Variants in PAPPA2 observed in about 807,000 individuals in gnomAD.
PAPPA2 encodes pappalysin 2, also known as pappalysin-2.
In PAPPA2, 86 loss-of-function variants were observed where a neutral mutation model predicts 176.4. The observed-to-expected ratio is 0.49, with a 90% CI of 0.41 to 0.58. The LOEUF (loss-of-function observed/expected upper bound fraction) is 0.58. Ranked by LOEUF, PAPPA2 falls within the 20% of genes least tolerant of loss-of-function variation. PAPPA2 has a pLI of 0.00. For synonymous variants in PAPPA2, 809 were observed against 852.2 expected, an observed-to-expected ratio of 0.95 and a Z score of 0.88; for missense variants, 2,073 against 2,256.9, an observed-to-expected ratio of 0.92 and a Z score of 1.65.
intron 1 of PAPPA2, among the ~76,000 whole-genome samples, chr1:176,514,820 A>G (rs1648814607): frequency 6.6e-6 from 1 of 152,226 alleles, no homozygotes; most frequent in African/African-American, 2.4e-5. Flanking sequence ...GATTACAGAA[A>G]GCCTCTCCGG....
At chr1:176,528,718 G>C (rs775266771) in intron 1 of PAPPA2, among the ~76,000 whole-genome samples, 2 of 152,120 alleles carry the variant, frequency 1.3e-5, no homozygotes, top group Non-Finnish European at 2.9e-5. Flanking sequence ...AGACTTCCCT[G>C]GTTTCAGCCC....
chr1:176,471,018 G>C (rs1651847935), intron 1 of PAPPA2, among the ~76,000 whole-genome samples: 1 of 152,172 alleles, frequency 6.6e-6, no homozygotes, highest in Non-Finnish European at 1.5e-5. Flanking sequence ...GTCTTCTCTA[G>C]CTTTTACAGA....
chr1:176,783,896 CT>C (rs1173580498), intron 17 of PAPPA2, among the ~76,000 whole-genome samples: 1 of 152,182 alleles, frequency 6.6e-6, no homozygotes, highest in Non-Finnish European at 1.5e-5. Context: ...TCCTGGGCCC[CT>C]CTCAGGAGTT....
chr1:176,727,710 C>T (rs1227254058), intron 12 of PAPPA2, among the ~76,000 whole-genome samples: 3 of 151,848 alleles, frequency 2.0e-5, no homozygotes, highest in African/African-American at 7.3e-5. Flanking sequence ...TATCAAATAT[C>T]ATGACCTAAC....
At chr1:176,481,351 G>A (rs957478811) in intron 1 of PAPPA2, among the ~76,000 whole-genome samples, 1 of 151,672 alleles carries the variant, frequency 6.6e-6, no homozygotes, top group East Asian at 1.9e-4. Context: ...TCCTATGCCG[G>A]GGCCTTCGAC....
chr1:176,728,543 C>A (rs372925243), intron 12 of PAPPA2, among the ~76,000 whole-genome samples: 4 of 152,026 alleles, frequency 2.6e-5, no homozygotes, highest in African/African-American at 4.8e-5. Flanking sequence ...GAGGCACAAA[C>A]TGGTCCTGTA....
In PAPPA2 at chr1:176,789,977, G is replaced by A; in HGVS notation, c.4884G>A (p.Lys1628=). ...CVLNCNQERE[K]LPILCTKEGL... is the part of the protein sequence containing the mutation. ...TCAACTGTAACCAGGAACGTGAAAAGGTAAGGAACATTTTTTGAACTTATT... is the reference window on the plus strand; with the variant it reads ...TCAACTGTAACCAGGAACGTGAAAAAGTAAGGAACATTTTTTGAACTTATT... Residue 1628 remains lysine (K), a splice_region_variant and synonymous_variant, in exon 18 of 23, where the codon AAG becomes AAA. Transcript: ENST00000367662. 3.7e-6 allele frequency: 6 copies of A among 1,613,236 alleles called. No individual in the cohort carries two copies. Among genetic ancestry groups the A allele is most frequent in the African/African-American group, 1.3e-5 (1 of 74,992 alleles).
At chr1:176,828,729 C>T (rs370629577) in intron 21 of PAPPA2, among the ~76,000 whole-genome samples, 20 of 152,064 alleles carry the variant, frequency 1.3e-4, no homozygotes, top group East Asian at 9.7e-4. Context: ...AAAGGCCGGG[C>T]GTGGTGGCTC....
At chr1:176,540,585 A>G (rs1288340791) in intron 1 of PAPPA2, among the ~76,000 whole-genome samples, 2 of 152,212 alleles carry the variant, frequency 1.3e-5, no homozygotes, top group Non-Finnish European at 2.9e-5. Context: ...GGTGGCTGGT[A>G]TCTAGAAGGG....
At position 176,833,365 on chromosome 1, in the gene PAPPA2, C is replaced by T. The variant is rs143253199; in HGVS notation, c.5203-6808C>T. Among the ~76,000 whole-genome samples, 71 of 152,302 alleles carry T rather than the reference C, an allele frequency of 4.7e-4. No individual in the cohort carries two copies. In the Middle Eastern group the frequency reaches 0.02, roughly 44 times the overall value. ...TGTGATTGTGTCATTCTGTATCAGT[C>T]CTCATAAACATTGTCTTTTTATTAA... On this transcript the variant is annotated intron_variant, in intron 21 of 22. Coordinates refer to ENST00000367662, the MANE Select transcript of PAPPA2 (RefSeq NM_020318.3).
At chr1:176,523,941 C>T (rs1384198403) in intron 1 of PAPPA2, among the ~76,000 whole-genome samples, 1 of 152,192 alleles carries the variant, frequency 6.6e-6, no homozygotes, top group Non-Finnish European at 1.5e-5. Context: ...GTTCCTTCAG[C>T]CTCATTCATA....
At chr1:176,826,753 T>G (rs1429823300) in intron 21 of PAPPA2, among the ~76,000 whole-genome samples, 1 of 152,220 alleles carries the variant, frequency 6.6e-6, no homozygotes, top group Non-Finnish European at 1.5e-5. Flanking sequence ...GATGATAAAA[T>G]AGTTATGTCT....
chr1:176,685,812 A>G (rs1039447917), intron 4 of PAPPA2, among the ~76,000 whole-genome samples: 2 of 152,252 alleles, frequency 1.3e-5, no homozygotes, highest in Admixed American at 1.3e-4. Flanking sequence ...CATTCCTCTT[A>G]TTAAATTTTG....
In PAPPA2 at chr1:176,576,651, G is replaced by C. The variant is rs116360443; in HGVS notation, c.920-17873G>C. On this transcript the variant is annotated intron_variant, in intron 2 of 22. Coordinates refer to ENST00000367662, the MANE Select transcript of PAPPA2 (RefSeq NM_020318.3). The stretch of plus-strand genomic sequence containing the variant: ...ACAGATTGTGGTCTGCCCTGATTTG[G>C]AGTCCTGCTCCTCAGTGTATGGTTT... Among the ~76,000 whole-genome samples, 305 of 152,248 alleles carry C rather than the reference G, an allele frequency of 2.0e-3. 1 individual carries two copies. Among genetic ancestry groups the C allele is most frequent in the African/African-American group, 6.8e-3 (283 of 41,540 alleles).
At chr1:176,680,637 A>G (rs187280878) in intron 4 of PAPPA2, among the ~76,000 whole-genome samples, 3 of 152,338 alleles carry the variant, frequency 2.0e-5, no homozygotes, top group Admixed American at 6.5e-5. Flanking sequence ...TAAGTTATAA[A>G]GCGTTAAAAA....
Position 176,557,203 on chromosome 1 carries a change from A to G in PAPPA2, c.881A>G (p.Lys294Arg). 1 of 1,608,958 alleles carries G rather than the reference A, an allele frequency of 6.2e-7. No homozygotes were observed. The highest frequency in any genetic ancestry group is 1.1e-5 in the South Asian group (1 of 90,216). Residue 294 changes from lysine to arginine, a missense_variant, in exon 2 of 23, where the codon AAA (lysine) becomes AGA (arginine). Transcript: ENST00000367662. ...REAFTVEAWV[K>R]PEGGQNNPAI... Reference sequence around the variant, plus strand: ...GCGTTCACAGTGGAAGCCTGGGTTAAACCGGAGGGAGGACAGAACAACCCA... The same window carrying G: ...GCGTTCACAGTGGAAGCCTGGGTTAGACCGGAGGGAGGACAGAACAACCCA...
intron 21 of PAPPA2, among the ~76,000 whole-genome samples, chr1:176,836,994 C>A (rs1463711347): frequency 6.6e-6 from 1 of 152,102 alleles, no homozygotes. Context: ...CACACTATCT[C>A]TATGGCTAAC....
At chr1:176,644,675 A>G (rs1657294766) in intron 3 of PAPPA2, among the ~76,000 whole-genome samples, 1 of 151,846 alleles carries the variant, frequency 6.6e-6, no homozygotes, top group Non-Finnish European at 1.5e-5. Context: ...GGTCACCAGC[A>G]TAACATGACA....
At chr1:176,616,131 G>T in intron 3 of PAPPA2, 1 of 251,862 alleles carries the variant, frequency 4.0e-6, no homozygotes, top group Non-Finnish European at 7.9e-6. Context: ...CTAGCTTGCA[G>T]CCTGGTAAAA....
Sources: allele counts gnomAD v4.1 joint callset (sites outside exome capture counted in the v4.1 genomes callset), GRCh38; gene constraint gnomAD v4.1.1; transcripts MANE v1.5; gene names NCBI Gene and HGNC (gene_info 2026-07-23, HGNC 2026-07-21).